Variants in MED13 observed in about 807,000 individuals in gnomAD.
The protein encoded by MED13 is mediator of RNA polymerase II transcription subunit 13.
A neutral mutation model predicts 225.2 loss-of-function variants in MED13; 23 were observed. The ratio of observed to expected loss-of-function variants is 0.10; its 90% CI spans 0.07 to 0.14. The LOEUF (loss-of-function observed/expected upper bound fraction) is 0.14. Ranked by LOEUF, MED13 falls within the 10% of genes least tolerant of loss-of-function variation. The pLI is 1.00. For missense variants in MED13, 2,197 were observed against 2,594.5 expected (o/e 0.85, Z 3.33); for synonymous variants, 942 against 889.2 (o/e 1.06, Z -1.06).
chr17:61,964,688 C>T lies in MED13; in HGVS notation c.4844+318G>A, dbSNP rs564937629. On this transcript the variant is annotated intron_variant, in intron 20 of 29. Transcript: ENST00000397786. ...TGGTGGCTCACGTCTGTAATCCCAG[C>T]ACTTTGGGAAGCCATGGTGGGTGGA... Among the ~76,000 whole-genome samples the T allele has an allele frequency of 3.3e-5, 5 of 152,332 alleles. No individual in the cohort carries two copies. In the East Asian group the frequency reaches 9.6e-4, roughly 29 times the overall value.
At chr17:61,974,111 T>A (rs915595711) in intron 16 of MED13, among the ~76,000 whole-genome samples, 1 of 152,198 alleles carries the variant, frequency 6.6e-6, no homozygotes, top group East Asian at 1.9e-4. Context: ...TACTTAGTAG[T>A]TGAAAATGCT....
chr17:62,011,315 TTCG>T, intron 8 of MED13, 82 bp from the exon 9 acceptor site: 4 of 1,161,224 alleles, frequency 3.4e-6, no homozygotes, highest in East Asian at 2.6e-5. Context: ...TATTAGACAC[TTCG>T]GTTATCATTT....
rs369617696 is a variant in MED13 at position 62,031,571 on chromosome 17, G to C, written c.882C>G (p.Ser294Arg). 2 of 1,613,816 alleles carry C rather than the reference G, an allele frequency of 1.2e-6. No homozygotes were observed. Among genetic ancestry groups the C allele is most frequent in the Non-Finnish European group, 8.5e-7 (1 of 1,179,904 alleles). ...ATGAACAGTGAGTGGATCCCACAGG[G>C]CTAGGAGTAGGAATGTCTGACTGAG... ...LVPQSDIPTP[S>R]PVGSTHCSSS... is the part of the protein sequence containing the mutation. Residue 294 changes from serine (S) to arginine (R), a missense_variant, in exon 6 of 30, where the codon AGC becomes AGG. By Grantham distance (110) the Ser-to-Arg change is moderately radical. Coordinates refer to ENST00000397786, the MANE Select transcript of MED13 (RefSeq NM_005121.3).
Position 61,963,221 on chromosome 17 carries a change from A to G in MED13, c.4845-250T>C, listed in dbSNP as rs1040739520. Among the ~76,000 whole-genome samples, 179 of 144,872 alleles carry G rather than the reference A, an allele frequency of 1.2e-3. 3 individuals are homozygous for G. Among genetic ancestry groups the G allele is most frequent in the South Asian group, 1.1e-3 (5 of 4,558 alleles). On this transcript the variant is annotated intron_variant, in intron 20 of 29. Transcript: ENST00000397786. ...ATTTACCAAAAAAAAAAAAAAAAAA[A>G]AAAAAAAAAGAAAGAAAAGAAAAAA...
At chr17:62,062,583 ACACACACACACACACAC>A (rs1240247755) in intron 2 of MED13, among the ~76,000 whole-genome samples, 1 of 72,880 alleles carries the variant, frequency 1.4e-5, no homozygotes, top group Non-Finnish European at 2.4e-5. Context: ...CTTAAAACAC[ACACACACACACACACAC>A]CACACACACA....
At chr17:61,997,787 C>T (rs16945759) in intron 9 of MED13, among the ~76,000 whole-genome samples, 24,389 of 152,074 alleles carry the variant, frequency 0.16, 2,394 homozygotes, top group East Asian at 0.5. Context: ...AAATAAAACT[C>T]GGTGTTTCAT....
At chr17:61,997,037 T>C (rs1265321536) in intron 9 of MED13, among the ~76,000 whole-genome samples, 1 of 152,186 alleles carries the variant, frequency 6.6e-6, no homozygotes, top group African/African-American at 2.4e-5. Flanking sequence ...ATGCCACTGC[T>C]TATCTACTCT....
intron 8 of MED13, among the ~76,000 whole-genome samples, chr17:62,027,913 TAAC>T (rs2080718069): frequency 6.6e-6 from 1 of 152,114 alleles, no homozygotes; most frequent in Non-Finnish European, 1.5e-5. Flanking sequence ...AGTCAAAAAA[TAAC>T]AGATGCTGGC....
At chr17:61,963,636 A>G (rs1650372618) in intron 20 of MED13, among the ~76,000 whole-genome samples, 1 of 152,146 alleles carries the variant, frequency 6.6e-6, no homozygotes, top group African/African-American at 2.4e-5. Context: ...TTTATTTCAT[A>G]CTTTACAGCT....
intron 17 of MED13, among the ~76,000 whole-genome samples, chr17:61,972,402 G>T: frequency 6.6e-6 from 1 of 151,458 alleles, no homozygotes; most frequent in African/African-American, 2.4e-5. Context: ...ATTTAATTTT[G>T]TAAAATAAAT....
intron 2 of MED13, among the ~76,000 whole-genome samples, chr17:62,060,137 C>T (rs1369575310): frequency 6.6e-6 from 1 of 151,764 alleles, no homozygotes; most frequent in African/African-American, 2.4e-5. Context: ...ACTAAAAATA[C>T]AAAAAATTAG....
chr17:62,006,677 A>G (rs898252364), intron 9 of MED13: 10 of 152,286 alleles, frequency 6.6e-5, no homozygotes, highest in African/African-American at 2.2e-4. Flanking sequence ...CTGTAATCCC[A>G]GCACTTTGGG....
At chr17:61,982,158 A>C in intron 16 of MED13, 40 bp downstream of exon 16, 2 of 1,545,354 alleles carry the variant, frequency 1.3e-6, no homozygotes, top group Non-Finnish European at 1.7e-6. Context: ...AACTAAAGGG[A>C]AATAAGCAAA....
rs568539542 is a variant in MED13 at position 61,974,346 on chromosome 17, G to A, written c.3806-1458C>T. 5.9e-5 allele frequency among the ~76,000 whole-genome samples: 9 copies of A among 152,256 alleles called. 1 individual carries two copies. In the South Asian group the frequency reaches 1.9e-3, roughly 32 times the overall value. On this transcript the variant is annotated intron_variant, in intron 16 of 29. Transcript: ENST00000397786. ...TTGAACCCATGAGGTCAAGGTTACA[G>A]TGAGCCATGATAGCGTAACACTGCA...
chr17:62,031,413 C>T (rs748139667), intron 6 of MED13, 31 bp downstream of exon 6: 68 of 1,484,946 alleles, frequency 4.6e-5, no homozygotes, highest in Non-Finnish European at 5.9e-5. Context: ...TAACAAATTA[C>T]CAGAGCTGAT....
chr17:62,042,204 C>T (rs910994568), intron 3 of MED13, among the ~76,000 whole-genome samples: 2 of 152,142 alleles, frequency 1.3e-5, no homozygotes, highest in African/African-American at 4.8e-5. Flanking sequence ...TAACATCTTA[C>T]CTGTGAATCC....
intron 23 of MED13, among the ~76,000 whole-genome samples, chr17:61,958,141 G>A (rs537109096): frequency 3.7e-4 from 57 of 152,238 alleles, no homozygotes; most frequent in African/African-American, 1.2e-3. Flanking sequence ...TGGGATTACA[G>A]GCGTGAGCCA....
At chr17:62,051,306 T>C (rs989578844) in intron 3 of MED13, among the ~76,000 whole-genome samples, 4 of 152,118 alleles carry the variant, frequency 2.6e-5, no homozygotes, top group African/African-American at 9.7e-5. Context: ...GGTCTGGAGG[T>C]GCAACACACG....
chr17:61,973,238 C>A (rs1276371224), intron 16 of MED13, among the ~76,000 whole-genome samples: 1 of 152,024 alleles, frequency 6.6e-6, no homozygotes, highest in East Asian at 1.9e-4. Flanking sequence ...AGAAAGAAGT[C>A]TGCCTCACAT....
Sources: allele counts gnomAD v4.1 joint callset (sites outside exome capture counted in the v4.1 genomes callset), GRCh38; gene constraint gnomAD v4.1.1; transcripts MANE v1.5; gene names NCBI Gene and HGNC (gene_info 2026-07-23, HGNC 2026-07-21).